Variants in GORASP2 observed in about 807,000 individuals in gnomAD.
GORASP2 encodes the protein Golgi reassembly-stacking protein 2.
GORASP2 carries 22 observed loss-of-function variants against 45.7 expected under a neutral mutation model. The observed-to-expected ratio is 0.48, with a 90% CI of 0.34 to 0.69. GORASP2 has a LOEUF of 0.69. GORASP2 is among the 30% of genes least tolerant of loss of function. The pLI is 0.01. For missense variants in GORASP2, 491 were observed against 562.7 expected (o/e 0.87, Z 1.29); for synonymous variants, 221 against 215.6 (o/e 1.02, Z -0.22).
chr2:170,934,568 C>T (rs1281429352), intron 1 of GORASP2, among the ~76,000 whole-genome samples: 1 of 152,030 alleles, frequency 6.6e-6, no homozygotes, highest in Non-Finnish European at 1.5e-5. Context: ...ACCTCATCCC[C>T]TAACACAGAA....
Position 170,951,322 on chromosome 2 carries a change from T to C in GORASP2, c.436-6T>C. The C allele has an allele frequency of 1.3e-6, 2 of 1,592,088 alleles. No homozygotes were observed. Among genetic ancestry groups the C allele is most frequent in the Non-Finnish European group, 1.7e-6 (2 of 1,172,090 alleles). On this transcript the variant is annotated splice_polypyrimidine_tract_variant and splice_region_variant and intron_variant, in intron 4 of 9. Coordinates refer to ENST00000234160, the MANE Select transcript of GORASP2 (RefSeq NM_015530.5). ...TGAAACATTTTCTCCTGTGACACTT[T>C]TGCAGTCTGAAGATCTATTCAGCCT...
intron 7 of GORASP2, among the ~76,000 whole-genome samples, chr2:170,959,005 G>T (rs1265637346): frequency 6.7e-6 from 1 of 148,964 alleles, no homozygotes; most frequent in African/African-American, 2.5e-5. Context: ...TTGTTGCCCA[G>T]GCTGGAGTGC....
intron 1 of GORASP2, chr2:170,929,704 A>G (rs182794833): frequency 8.3e-6 from 5 of 605,268 alleles, no homozygotes; most frequent in Middle Eastern, 4.6e-4. Context: ...CTTTTTCCGC[A>G]CGGCCTTCTC....
chr2:170,966,537 C>T lies in GORASP2; in HGVS notation c.*407C>T, dbSNP rs1025125048. The T allele has an allele frequency of 4.6e-6, 1 of 217,534 alleles. No individual in the cohort carries two copies. The highest frequency in any genetic ancestry group is 6.8e-5 in the South Asian group (1 of 14,612). 13.5% of individuals were successfully genotyped at this position (217,534 alleles called of 1,614,324 possible). On this transcript the variant is annotated 3_prime_UTR_variant, in exon 10 of 10. Transcript: ENST00000234160. Reference sequence around the variant, plus strand: ...GCAACATTTCTTGTACTTTGTAAGTCGTTTGCGAGAATGCAGACCACCTCA... The same window carrying T: ...GCAACATTTCTTGTACTTTGTAAGTTGTTTGCGAGAATGCAGACCACCTCA...
chr2:170,934,842 A>C (rs1017793594), intron 1 of GORASP2, among the ~76,000 whole-genome samples: 2 of 151,292 alleles, frequency 1.3e-5, no homozygotes. Context: ...AGTCCAAGCA[A>C]TTCTCCTGCC....
chr2:170,962,742 C>T (rs1466026309), intron 8 of GORASP2, 97 bp from the exon 9 acceptor site: 2 of 768,306 alleles, frequency 2.6e-6, no homozygotes, highest in Non-Finnish European at 4.6e-6. Context: ...CTGGTACTGT[C>T]ACTTAGAAGT....
chr2:170,933,304 G>A (rs1323368953), intron 1 of GORASP2, among the ~76,000 whole-genome samples: 2 of 152,110 alleles, frequency 1.3e-5, no homozygotes, highest in African/African-American at 4.8e-5. Context: ...AAATGTTAGG[G>A]CTTCTCAGTT....
intron 1 of GORASP2, among the ~76,000 whole-genome samples, chr2:170,946,409 CAT>C (rs1034769601): frequency 3.3e-5 from 5 of 151,848 alleles, no homozygotes; most frequent in African/African-American, 1.2e-4. Context: ...TATTTTTTGT[CAT>C]ATTTCTGTTA....
upstream of GORASP2, chr2:170,929,045 T>C (rs1344028712): frequency 8.9e-6 from 3 of 338,036 alleles, no homozygotes; most frequent in African/African-American, 4.3e-5. Flanking sequence ...AGCGCATTTC[T>C]GTTCTCTCGC....
At chr2:170,931,446 T>C (rs1575465865) in intron 1 of GORASP2, among the ~76,000 whole-genome samples, 1 of 152,224 alleles carries the variant, frequency 6.6e-6, no homozygotes, top group Admixed American at 6.5e-5. Flanking sequence ...ATATATTTCA[T>C]TGTTAGATTA....
At position 170,936,489 on chromosome 2, in the gene GORASP2, GGATT is replaced by G. The variant is rs553206762; in HGVS notation, c.63+7087_63+7090del. The G allele has an allele frequency of 4.7e-3, 1,923 of 409,548 alleles. 8 individuals are homozygous for G. The highest frequency in any genetic ancestry group is 7.6e-3 in the Non-Finnish European group (1,615 of 213,726). The allele number at this position is 409,548 out of a possible 1,614,324, so 25.4% of individuals were successfully genotyped here. Reference sequence around the variant, plus strand: ...CTCGTCTTGGCTTCCCAAAGTGTTGGGATTACACTTATGAGCCACCACACCTAGT... The same window carrying G: ...CTCGTCTTGGCTTCCCAAAGTGTTGGACACTTATGAGCCACCACACCTAGT... On this transcript the variant is annotated intron_variant, in intron 1 of 9. Transcript: ENST00000234160.
intron 4 of GORASP2, 27 bp downstream of exon 4, chr2:170,950,317 GA>G: frequency 8.9e-7 from 1 of 1,120,202 alleles, no homozygotes; most frequent in Non-Finnish European, 1.3e-6. Context: ...TTCATAGTGA[GA>G]ACTATATAAA....
intron 8 of GORASP2, among the ~76,000 whole-genome samples, chr2:170,962,191 A>G (rs1323488780): frequency 6.6e-6 from 1 of 152,270 alleles, no homozygotes; most frequent in Non-Finnish European, 1.5e-5. Flanking sequence ...TCATATTCCC[A>G]GTGAAGACCA....
rs375739768 is a variant in GORASP2 at position 170,949,577 on chromosome 2, A to G, written c.183A>G (p.Ala61=). 50 of 1,613,882 alleles carry G rather than the reference A, an allele frequency of 3.1e-5. No homozygotes were observed. The highest frequency in any genetic ancestry group is 4.1e-5 in the Non-Finnish European group (48 of 1,179,836). ...DNDTLKDLLK[A]NVEKPVKMLI... ...ACACTCTTAAGGATCTGCTGAAAGC[A>G]AACGTTGAAAAGCCTGTAAAGATGC... Residue 61 remains alanine (A), a synonymous_variant, in exon 3 of 10, where the codon GCA becomes GCG. Coordinates refer to ENST00000234160, the MANE Select transcript of GORASP2 (RefSeq NM_015530.5).
rs201315718 is a variant in GORASP2, at chr2:170,965,877, C to T, written c.1106C>T (p.Pro369Leu). 4.8e-5 allele frequency: 77 copies of T among 1,613,904 alleles called. No individual in the cohort carries two copies. Among genetic ancestry groups the T allele is most frequent in the Non-Finnish European group, 6.5e-5 (77 of 1,179,988 alleles). Residue 369 changes from proline to leucine, a missense_variant, in exon 10 of 10, where the codon CCC becomes CTC. By Grantham distance (98) the Pro-to-Leu change is moderately conservative. Transcript: ENST00000234160. ...CCATCCGAGTTCCTCCCGTCATTCCCCTTGGTTCCAGAGAGCTCTTCTGCA... is the reference window on the plus strand; with the variant it reads ...CCATCCGAGTTCCTCCCGTCATTCCTCTTGGTTCCAGAGAGCTCTTCTGCA... ...PLPSEFLPSF[P>L]LVPESSSAAS...
At chr2:170,941,533 A>G (rs1228909301) in intron 1 of GORASP2, among the ~76,000 whole-genome samples, 1 of 151,940 alleles carries the variant, frequency 6.6e-6, no homozygotes. Context: ...ATCCTGCACA[A>G]CTCCCACCTC....
At chr2:170,948,998 G>A (rs983699156) in intron 2 of GORASP2, among the ~76,000 whole-genome samples, 10 of 152,160 alleles carry the variant, frequency 6.6e-5, no homozygotes, top group African/African-American at 2.4e-4. Context: ...TTAATTTTTC[G>A]TAACAGTCTT....
In GORASP2 at chr2:170,961,754, C is replaced by T; in HGVS notation, c.910+5C>T. 5 of 1,438,840 alleles carry T rather than the reference C, an allele frequency of 3.5e-6. No individual in the cohort carries two copies. The highest frequency in any genetic ancestry group is 4.9e-6 in the Non-Finnish European group (5 of 1,019,846). 89.1% of individuals were successfully genotyped at this position (1,438,840 alleles called of 1,614,324 possible). The stretch of plus-strand genomic sequence containing the variant: ...ATCCAGCTACTACATTACCAGGTAA[C>T]CACCAGGGGACTAGAGATGTGGCTG... On this transcript the variant is annotated splice_donor_5th_base_variant and intron_variant, in intron 8 of 9. Coordinates refer to ENST00000234160, the MANE Select transcript of GORASP2 (RefSeq NM_015530.5).
intron 8 of GORASP2, among the ~76,000 whole-genome samples, chr2:170,962,304 G>A (rs1704581824): frequency 6.6e-6 from 1 of 152,184 alleles, no homozygotes; most frequent in East Asian, 1.9e-4. Context: ...CATTATCCAA[G>A]CATATTAAGC....
Sources: gnomAD v4.1 joint callset for allele counts (sites outside exome capture counted in the v4.1 genomes callset) on GRCh38, gnomAD v4.1.1 for gene constraint, MANE v1.5 for transcripts, NCBI Gene and HGNC (gene_info 2026-07-23, HGNC 2026-07-21) for gene names.